Variants in SLC35D4 observed in about 807,000 individuals in gnomAD.
The protein encoded by SLC35D4 is solute carrier family 35 member D4, also known as UDP-N-acetylglucosamine transporter SLC35D4.
chr18:23,409,004 G>T, the SLC35D4 span, among the ~76,000 whole-genome samples: 1 of 151,684 alleles, frequency 6.6e-6, no homozygotes, highest in South Asian at 2.1e-4. Flanking sequence ...GCATGGTGGT[G>T]GGCACTTGTA....
the SLC35D4 span, among the ~76,000 whole-genome samples, chr18:23,256,823 T>C: frequency 6.6e-6 from 1 of 152,220 alleles, no homozygotes; most frequent in African/African-American, 2.4e-5. Flanking sequence ...AATCACTTAG[T>C]TGCCACAGGT....
the SLC35D4 span, among the ~76,000 whole-genome samples, chr18:23,423,062 C>T: frequency 6.6e-6 from 1 of 152,126 alleles, no homozygotes; most frequent in Non-Finnish European, 1.5e-5. Context: ...TAAAGTCCTT[C>T]GGGACTTGCA....
the SLC35D4 span, among the ~76,000 whole-genome samples, chr18:23,352,836 C>T: frequency 6.6e-6 from 1 of 152,156 alleles, no homozygotes; most frequent in Non-Finnish European, 1.5e-5. Flanking sequence ...GGAAATGGTG[C>T]CTACACATGT....
At chr18:23,420,121 C>T in the SLC35D4 span, among the ~76,000 whole-genome samples, 4 of 151,812 alleles carry the variant, frequency 2.6e-5, no homozygotes, top group Admixed American at 1.3e-4. Flanking sequence ...CTGACCAACA[C>T]GGAGAAACCC....
At chr18:23,303,209 C>T in the SLC35D4 span, among the ~76,000 whole-genome samples, 50 of 152,356 alleles carry the variant, frequency 3.3e-4, no homozygotes, top group Non-Finnish European at 4.6e-4. Flanking sequence ...AAGCACAGTC[C>T]ACTCTTCTGG....
At chr18:23,270,209 G>A in the SLC35D4 span, among the ~76,000 whole-genome samples, 1 of 152,178 alleles carries the variant, frequency 6.6e-6, no homozygotes, top group East Asian at 1.9e-4. Flanking sequence ...GGCTAAAAGG[G>A]GCCAAGGTAC....
chr18:23,298,041 G>A, the SLC35D4 span: 6 of 1,613,812 alleles, frequency 3.7e-6, no homozygotes, highest in Non-Finnish European at 5.1e-6. Flanking sequence ...AACCAGCAAG[G>A]CCTCTCCAAG....
the SLC35D4 span, among the ~76,000 whole-genome samples, chr18:23,250,673 G>T: frequency 1.3e-5 from 2 of 152,172 alleles, no homozygotes; most frequent in Non-Finnish European, 2.9e-5. Flanking sequence ...CCCTTTCCTG[G>T]TCCTTGCAGG....
At chr18:23,398,413 G>A in the SLC35D4 span, among the ~76,000 whole-genome samples, 1 of 152,178 alleles carries the variant, frequency 6.6e-6, no homozygotes, top group African/African-American at 2.4e-5. Context: ...AGTCTATGGC[G>A]TAGGAGAGGA....
At chr18:23,247,118 C>G in the SLC35D4 span, among the ~76,000 whole-genome samples, 1 of 152,232 alleles carries the variant, frequency 6.6e-6, no homozygotes, top group African/African-American at 2.4e-5. Context: ...TGCCGTGGCT[C>G]AATCTCCTAG....
the SLC35D4 span, among the ~76,000 whole-genome samples, chr18:23,402,348 G>A: frequency 2.0e-4 from 30 of 152,320 alleles, no homozygotes; most frequent in African/African-American, 6.7e-4. Context: ...CTTTAACCAT[G>A]TATTTCAATG....
chr18:23,321,845 T>A, the SLC35D4 span, among the ~76,000 whole-genome samples: 1 of 152,218 alleles, frequency 6.6e-6, no homozygotes, highest in African/African-American at 2.4e-5. Flanking sequence ...AAAATCATAG[T>A]CTAGGTTTTT....
At chr18:23,316,120 AT>A in the SLC35D4 span, among the ~76,000 whole-genome samples, 1 of 152,190 alleles carries the variant, frequency 6.6e-6, no homozygotes, top group East Asian at 1.9e-4. Context: ...GTTCTCTTCT[AT>A]ACCCTCCAAC....
the SLC35D4 span, among the ~76,000 whole-genome samples, chr18:23,400,216 C>T: frequency 2.0e-5 from 3 of 152,172 alleles, no homozygotes; most frequent in African/African-American, 4.8e-5. Context: ...ATTTATTTTT[C>T]AATTGTAGCC....
the SLC35D4 span, among the ~76,000 whole-genome samples, chr18:23,396,353 A>G: frequency 6.6e-6 from 1 of 152,200 alleles, no homozygotes; most frequent in Non-Finnish European, 1.5e-5. Flanking sequence ...ACAGCTTGGC[A>G]CCAGCATATT....
the SLC35D4 span, among the ~76,000 whole-genome samples, chr18:23,363,364 A>ATTTTTTT: frequency 3.1e-4 from 28 of 90,460 alleles, 5 homozygotes; most frequent in African/African-American, 1.4e-3. Context: ...ACAAAAGCAC[A>ATTTTTTT]TTTTTTTTTT....
At chr18:23,244,804 T>C in the SLC35D4 span, among the ~76,000 whole-genome samples, 1 of 152,168 alleles carries the variant, frequency 6.6e-6, no homozygotes, top group African/African-American at 2.4e-5. Flanking sequence ...TACAGCTAGC[T>C]CCTGGGGTGC....
chr18:23,364,825 C>A, the SLC35D4 span, among the ~76,000 whole-genome samples: 1 of 135,992 alleles, frequency 7.4e-6, no homozygotes, highest in Non-Finnish European at 1.5e-5. Context: ...ATGGCTTGAA[C>A]CTGGGAGGCA....
the SLC35D4 span, among the ~76,000 whole-genome samples, chr18:23,355,486 T>C: frequency 7.2e-5 from 11 of 152,142 alleles, no homozygotes; most frequent in Non-Finnish European, 1.5e-4. Context: ...CCTAACCAAT[T>C]GACAGGAACT....
Sources: allele counts gnomAD v4.1 joint callset (sites outside exome capture counted in the v4.1 genomes callset), GRCh38; gene constraint gnomAD v4.1.1; transcripts MANE v1.5; gene names NCBI Gene and HGNC (gene_info 2026-07-23, HGNC 2026-07-21).